CDHR3: variants seen among roughly 807,000 people sequenced by gnomAD.
The protein encoded by CDHR3 is cadherin related family member 3.
CDHR3 carries 79 observed loss-of-function variants against 86.6 expected under a neutral mutation model. The observed-to-expected ratio is 0.91, with a 90% CI of 0.76 to 1.10. The LOEUF (loss-of-function observed/expected upper bound fraction) is 1.10, where lower values mean the gene tolerates loss of function less well. CDHR3 is among the 50% of genes least tolerant of loss of function. The probability of loss-of-function intolerance (pLI) is 0.00; values close to 1 mark genes in which losing one functional copy is unlikely to be tolerated. For synonymous variants in CDHR3, 421 were observed against 402.4 expected, an observed-to-expected ratio of 1.05 and a Z score of -0.55; for missense variants, 1,081 against 1,077.6, an observed-to-expected ratio of 1.00 and a Z score of -0.04.
rs117406926 is a variant in CDHR3, at chr7:106,024,558, C to A, written c.2254C>A (p.Pro752Thr). The A allele has an allele frequency of 0.014, 22,817 of 1,613,902 alleles. 195 individuals carry two copies. Among genetic ancestry groups the A allele is most frequent in the Non-Finnish European group, 0.018 (21,002 of 1,179,804 alleles). ...CPCKTGKNKE[P>T]LTKKGETKTA... ...CTGCAAGACTGGGAAGAACAAGGAA[C>A]CTCTGTAAGTTGCCAGTGGGCTGGG... The change falls in exon 15 of 19, where the codon CCT becomes ACT. Residue 752 changes from proline (P) to threonine (T), a missense_variant. Pro to Thr is a conservative substitution (Grantham distance 38). Transcript: ENST00000317716.
At chr7:105,988,162 TA>T (rs1830803994) in intron 4 of CDHR3, among the ~76,000 whole-genome samples, 1 of 152,226 alleles carries the variant, frequency 6.6e-6, no homozygotes, top group Admixed American at 6.5e-5. Flanking sequence ...GTGCTAGGAT[TA>T]CAGACATGAG....
Position 106,035,633 on chromosome 7 carries a change from C to T in CDHR3, c.*2936C>T, listed in dbSNP as rs1347206883. Reference sequence around the variant, plus strand: ...GATACAGTCTTCTCAGTCCAAATACCCCTTGGAGGTTTCCCCTTGGCCACT... The same window carrying T: ...GATACAGTCTTCTCAGTCCAAATACTCCTTGGAGGTTTCCCCTTGGCCACT... On this transcript the variant is annotated 3_prime_UTR_variant, in exon 19 of 19. Coordinates refer to ENST00000317716, the MANE Select transcript of CDHR3 (RefSeq NM_152750.5). Among the ~76,000 whole-genome samples the T allele has an allele frequency of 6.6e-6, 1 of 152,146 alleles. No individual in the cohort carries two copies.
chr7:106,013,940 T>C (rs1208069281), intron 9 of CDHR3, among the ~76,000 whole-genome samples: 1 of 152,180 alleles, frequency 6.6e-6, no homozygotes, highest in Non-Finnish European at 1.5e-5. Context: ...ATTTTATACA[T>C]ATATGCATAG....
intron 4 of CDHR3, among the ~76,000 whole-genome samples, chr7:105,984,585 TGTGA>T (rs1260589002): frequency 6.6e-6 from 1 of 152,222 alleles, no homozygotes. Context: ...GTAGAGAAGC[TGTGA>T]GTATTACATA....
rs4534080 is a variant in CDHR3, at chr7:106,007,592, A to G, written c.1052+2905A>G. On this transcript the variant is annotated intron_variant, in intron 8 of 18. Coordinates refer to ENST00000317716, the MANE Select transcript of CDHR3 (RefSeq NM_152750.5). ...ACCAGTCTCTTTGCTAAAACATAAC[A>G]AGAGTCACCTTTGCTCCAGTTCCCA... is the stretch of plus-strand genomic sequence containing the variant. Among the ~76,000 whole-genome samples the G allele has an allele frequency of 4.0e-3, 609 of 152,330 alleles. 4 individuals carry two copies. The highest frequency in any genetic ancestry group is 0.014 in the African/African-American group (567 of 41,576).
chr7:106,011,523 TGTCA>T (rs1367400736), intron 8 of CDHR3, among the ~76,000 whole-genome samples: 1 of 152,106 alleles, frequency 6.6e-6, no homozygotes, highest in Non-Finnish European at 1.5e-5. Flanking sequence ...CCAGCCAAGC[TGTCA>T]GTGACCACAG....
In CDHR3 at chr7:106,032,678, A is replaced by C; in HGVS notation, c.2639A>C (p.Lys880Thr). The C allele has an allele frequency of 6.2e-7, 1 of 1,611,934 alleles. No individual in the cohort carries two copies. Among genetic ancestry groups the C allele is most frequent in the Non-Finnish European group, 8.5e-7 (1 of 1,178,534 alleles). ...NPAFMNRAYPKPHPGK is the reference protein window; with the variant it reads ...NPAFMNRAYPTPHPGK ...GCCTTCATGAACAGGGCTTACCCCA[A>C]ACCACACCCAGGAAAGTAAACGGGG... Residue 880 changes from lysine (K) to threonine (T), a missense_variant, in exon 19 of 19, where the codon AAA becomes ACA. Coordinates refer to ENST00000317716, the MANE Select transcript of CDHR3 (RefSeq NM_152750.5).
At chr7:106,032,260 G>C in intron 18 of CDHR3, 133 bp from the exon 19 acceptor site, 1 of 847,524 alleles carries the variant, frequency 1.2e-6, no homozygotes, top group Non-Finnish European at 1.8e-6. Flanking sequence ...CCTACTGTCT[G>C]TGTCAGTGAT....
chr7:106,032,169 T>A (rs1838473837), intron 18 of CDHR3, among the ~76,000 whole-genome samples: 1 of 152,238 alleles, frequency 6.6e-6, no homozygotes, highest in African/African-American at 2.4e-5. Context: ...CAGAGAGGTT[T>A]GCTGTTTGCT....
At chr7:106,019,388 GT>G (rs35278081) in intron 12 of CDHR3, among the ~76,000 whole-genome samples, 6,834 of 141,440 alleles carry the variant, frequency 0.048, 200 homozygotes, top group South Asian at 0.14. Flanking sequence ...TTGTTAGGCT[GT>G]TTTTTTTTTT....
intron 13 of CDHR3, among the ~76,000 whole-genome samples, chr7:106,021,220 A>G (rs907540660): frequency 2.0e-5 from 3 of 152,160 alleles, no homozygotes; most frequent in African/African-American, 7.2e-5. Flanking sequence ...CATCTAATGA[A>G]GTGCTGGGGC....
At chr7:106,000,094 T>C (rs770427385) in intron 6 of CDHR3, among the ~76,000 whole-genome samples, 1 of 152,238 alleles carries the variant, frequency 6.6e-6, no homozygotes, top group Admixed American at 6.5e-5. Context: ...TTTGGCCCCA[T>C]TCCACTTTGT....
chr7:106,002,949 C>T (rs777672836), intron 7 of CDHR3, among the ~76,000 whole-genome samples: 14 of 151,866 alleles, frequency 9.2e-5, no homozygotes, highest in Admixed American at 1.3e-4. Context: ...GCCTGGGCAA[C>T]GTAGTGAAAC....
intron 6 of CDHR3, among the ~76,000 whole-genome samples, chr7:105,997,713 G>T (rs1228074449): frequency 1.3e-5 from 2 of 152,102 alleles, no homozygotes; most frequent in African/African-American, 4.8e-5. Context: ...TTTCAAAGGG[G>T]AAAATAATAA....
At chr7:106,032,365 T>C (rs886283091) in intron 18 of CDHR3, 28 bp from the exon 19 acceptor site, 40 of 1,584,020 alleles carry the variant, frequency 2.5e-5, no homozygotes, top group Non-Finnish European at 3.4e-5. Flanking sequence ...TTCTGGCTTA[T>C]GTGATTGTTG....
chr7:106,027,567 C>A, intron 16 of CDHR3: 1 of 389,114 alleles, frequency 2.6e-6, no homozygotes, highest in Admixed American at 3.1e-5. Context: ...TCCATCTGAG[C>A]AGCTCCAGGT....
intron 1 of CDHR3, among the ~76,000 whole-genome samples, chr7:105,969,481 G>A (rs1191366545): frequency 4.6e-5 from 7 of 151,942 alleles, no homozygotes; most frequent in Non-Finnish European, 1.0e-4. Context: ...GCTTGTAAGC[G>A]TTGTTTATTG....
chr7:106,032,622 CAAGCT>C lies in CDHR3; in HGVS notation c.2584_2588del (p.Lys862GlyfsTer27). On this transcript the variant is annotated frameshift_variant, in exon 19 of 19. Coordinates refer to ENST00000317716, the MANE Select transcript of CDHR3 (RefSeq NM_152750.5). LOFTEE classifies it high-confidence loss of function. ...GTCTGGGTTCCAGAAATGAGGGTGG[CAAGCT>C]GGGCAACCCAAAGAACAGAAATCCA... 1 of 1,613,850 alleles carries C rather than the reference CAAGCT, an allele frequency of 6.2e-7. No homozygotes were observed. The highest frequency in any genetic ancestry group is 2.2e-5 in the East Asian group (1 of 44,878).
In CDHR3 at chr7:106,026,709, C is replaced by G; in HGVS notation, c.2272+14C>G. The G allele has an allele frequency of 6.2e-7, 1 of 1,613,674 alleles. No homozygotes were observed. ...CAAAGAAAGGAGGTATGTACAGTAC[C>G]TGTTTCCCTTGTCTGTTGTTTTTTG... On this transcript the variant is annotated intron_variant, in intron 16 of 18. Transcript: ENST00000317716.
Sources: gnomAD v4.1 joint callset for allele counts (sites outside exome capture counted in the v4.1 genomes callset) on GRCh38, gnomAD v4.1.1 for gene constraint, MANE v1.5 for transcripts, NCBI Gene and HGNC (gene_info 2026-07-23, HGNC 2026-07-21) for gene names.